SPATA6: variants seen among roughly 807,000 people sequenced by gnomAD.
SPATA6 encodes spermatogenesis-associated protein 6.
A neutral mutation model predicts 65.3 loss-of-function variants in SPATA6; 56 were observed. The observed-to-expected ratio is 0.86, with a 90% CI of 0.69 to 1.07. The LOEUF (loss-of-function observed/expected upper bound fraction) is 1.07. Ranked by LOEUF, SPATA6 falls within the 50% of genes least tolerant of loss-of-function variation. SPATA6 has a pLI of 0.00. For synonymous variants in SPATA6, 199 were observed against 213.2 expected, an observed-to-expected ratio of 0.93 and a Z score of 0.58; for missense variants, 590 against 594.8, an observed-to-expected ratio of 0.99 and a Z score of 0.08.
chr1:48,395,281 G>T lies in SPATA6; in HGVS notation c.854C>A (p.Ser285Ter). Residue 285 changes from serine (S) to a stop codon, truncating the protein, a stop_gained, in exon 8 of 13, where the codon TCA becomes TAA. Transcript: ENST00000371847. LOFTEE classifies it high-confidence loss of function. ...SGRDCERDGW[S>*]RVHNDHSHLG... The stretch of plus-strand genomic sequence containing the variant: ...TTCTAGCTTACCATTGTGCACCCTT[G>T]ACCATCCATCTCTTTCACAGTCTCT... 6.4e-7 allele frequency: 1 copy of T among 1,564,756 alleles called. No individual in the cohort carries two copies. Among genetic ancestry groups the T allele is most frequent in the South Asian group, 1.2e-5 (1 of 84,192 alleles).
rs368940233 is a variant in SPATA6, at chr1:48,401,504, A to T, written c.487-1860T>A. ...ATTTATAAAATGGACTGACCATGTG[A>T]CTTGCTTTGGACAACAGGAAAATAG... On this transcript the variant is annotated intron_variant, in intron 6 of 12. Transcript: ENST00000371847. 6.2e-4 allele frequency among the ~76,000 whole-genome samples: 94 copies of T among 152,228 alleles called. 1 individual carries two copies. The highest frequency in any genetic ancestry group is 2.2e-3 in the African/African-American group (92 of 41,574).
intron 3 of SPATA6, among the ~76,000 whole-genome samples, chr1:48,438,472 T>G (rs539048715): frequency 2.0e-5 from 3 of 152,320 alleles, no homozygotes; most frequent in East Asian, 3.9e-4. Flanking sequence ...CTCTTCAAAG[T>G]TGGCAGCACT....
At chr1:48,449,506 C>A (rs1437507263) in intron 3 of SPATA6, among the ~76,000 whole-genome samples, 4 of 152,132 alleles carry the variant, frequency 2.6e-5, no homozygotes, top group Non-Finnish European at 5.9e-5. Context: ...ACAATCCAAA[C>A]AACATTTTAA....
intron 5 of SPATA6, among the ~76,000 whole-genome samples, chr1:48,406,856 T>G (rs1025523329): frequency 6.6e-6 from 1 of 152,190 alleles, no homozygotes; most frequent in Non-Finnish European, 1.5e-5. Context: ...TCCATGAAAG[T>G]GCCAGAATTT....
At chr1:48,272,154 T>C in the SPATA6 span, among the ~76,000 whole-genome samples, 4 of 152,178 alleles carry the variant, frequency 2.6e-5, no homozygotes, top group East Asian at 7.7e-4. Context: ...CTAATTAACA[T>C]ATCCATCACC....
At chr1:48,461,135 T>C (rs911015270) in intron 1 of SPATA6, among the ~76,000 whole-genome samples, 8 of 152,176 alleles carry the variant, frequency 5.3e-5, no homozygotes, top group African/African-American at 1.9e-4. Flanking sequence ...ATAAATGTCT[T>C]CTTTTGAGAA....
chr1:48,436,211 C>A, intron 3 of SPATA6: 1 of 1,612,836 alleles, frequency 6.2e-7, no homozygotes. Context: ...CATACTCCCA[C>A]GGGAACACTG....
In SPATA6 at chr1:48,442,407, G is replaced by A. The variant is rs78013812; in HGVS notation, c.238+9145C>T. 0.019 allele frequency among the ~76,000 whole-genome samples: 2,923 copies of A among 152,196 alleles called. 118 individuals carry two copies. The East Asian group carries it at 0.2, about 10-fold the overall frequency. ...GGAAATCATGGAGTTACTGCATGCAGTGCAAAAACCCAAAGAGGTGGCAGT... is the reference window on the plus strand; with the variant it reads ...GGAAATCATGGAGTTACTGCATGCAATGCAAAAACCCAAAGAGGTGGCAGT... On this transcript the variant is annotated intron_variant, in intron 3 of 12. Transcript: ENST00000371847.
chr1:48,326,426 C>T (rs1645761936), intron 11 of SPATA6, among the ~76,000 whole-genome samples: 1 of 151,796 alleles, frequency 6.6e-6, no homozygotes, highest in Admixed American at 6.6e-5. Context: ...GACCATACTA[C>T]CCAAAGCAAT....
chr1:48,434,693 C>T (rs758962938), intron 3 of SPATA6, among the ~76,000 whole-genome samples: 40 of 151,816 alleles, frequency 2.6e-4, no homozygotes, highest in Non-Finnish European at 5.0e-4. Flanking sequence ...GGTGCACTTA[C>T]GGGGGTGTGT....
At chr1:48,460,123 ACCATG>A (rs1185768313) in intron 1 of SPATA6, among the ~76,000 whole-genome samples, 1 of 151,694 alleles carries the variant, frequency 6.6e-6, no homozygotes, top group South Asian at 2.1e-4. Context: ...AGCAGGTGCC[ACCATG>A]CCTGCCTAAT....
chr1:48,382,633 C>CT (rs1477857287), intron 9 of SPATA6, among the ~76,000 whole-genome samples: 38 of 48,168 alleles, frequency 7.9e-4, no homozygotes, highest in African/African-American at 1.9e-3. Flanking sequence ...TGGCCGACCC[C>CT]CCCCCCCCCG....
chr1:48,282,645 A>C, the SPATA6 span, among the ~76,000 whole-genome samples: 1 of 152,226 alleles, frequency 6.6e-6, no homozygotes, highest in Non-Finnish European at 1.5e-5. Flanking sequence ...ATACCATCTC[A>C]CACCAGTCAG....
At chr1:48,348,042 T>G (rs1646418127) in intron 11 of SPATA6, among the ~76,000 whole-genome samples, 1 of 152,032 alleles carries the variant, frequency 6.6e-6, no homozygotes, top group African/African-American at 2.4e-5. Context: ...CTCACTTGAC[T>G]GGCCCTGTTA....
intron 12 of SPATA6, among the ~76,000 whole-genome samples, chr1:48,301,249 T>C (rs1327070506): frequency 3.3e-5 from 5 of 149,966 alleles, no homozygotes; most frequent in Non-Finnish European, 7.4e-5. Flanking sequence ...GTAAACAATC[T>C]GCAACAGAGA....
intron 12 of SPATA6, among the ~76,000 whole-genome samples, chr1:48,301,980 G>C (rs1363821307): frequency 6.6e-6 from 1 of 152,146 alleles, no homozygotes; most frequent in Non-Finnish European, 1.5e-5. Flanking sequence ...AAGATTACTT[G>C]AGTAGCATCC....
chr1:48,373,545 C>T (rs1243895843), intron 9 of SPATA6, among the ~76,000 whole-genome samples: 2 of 152,212 alleles, frequency 1.3e-5, no homozygotes, highest in Admixed American at 1.3e-4. Flanking sequence ...GTTCCAAAGT[C>T]GCTTCCACAT....
chr1:48,435,936 T>C, intron 3 of SPATA6: 3 of 1,570,672 alleles, frequency 1.9e-6, no homozygotes, highest in Non-Finnish European at 2.6e-6. Flanking sequence ...GATGGATTTT[T>C]GTCACTTTCT....
At chr1:48,372,019 G>A (rs1647333494) in intron 9 of SPATA6, among the ~76,000 whole-genome samples, 1 of 152,172 alleles carries the variant, frequency 6.6e-6, no homozygotes, top group African/African-American at 2.4e-5. Flanking sequence ...TACAATTCAA[G>A]TTAAGATTTG....
Sources: gnomAD v4.1 joint callset for allele counts (sites outside exome capture counted in the v4.1 genomes callset) on GRCh38, gnomAD v4.1.1 for gene constraint, MANE v1.5 for transcripts, NCBI Gene and HGNC (gene_info 2026-07-23, HGNC 2026-07-21) for gene names.